The following C10orf67 variants were observed in gnomAD, a reference collection of about 807,000 sequenced individuals.
C10orf67 encodes the protein chromosome 10 open reading frame 67, also known as uncharacterized protein C10orf67, mitochondrial.
A neutral mutation model predicts 35.6 loss-of-function variants in C10orf67; 60 were observed. The observed-to-expected ratio is 1.68, with a 90% CI of 1.37 to 2.09. The LOEUF is 2.09. Among genes scored for constraint, C10orf67 ranks in the 30% most tolerant of loss-of-function variants. C10orf67 has a pLI of 0.00. For synonymous variants in C10orf67, 167 were observed against 115.8 expected (o/e 1.44, Z -2.84); for missense variants, 474 against 330.2 (o/e 1.44, Z -3.38).
chr10:23,231,459 G>C (rs1488355237), intron 13 of C10orf67, among the ~76,000 whole-genome samples: 1 of 152,212 alleles, frequency 6.6e-6, no homozygotes, highest in African/African-American at 2.4e-5. Flanking sequence ...GAAGGAACCT[G>C]TGTACCACTT....
At chr10:23,205,562 G>C (rs1841135531) in intron 15 of C10orf67, among the ~76,000 whole-genome samples, 1 of 152,194 alleles carries the variant, frequency 6.6e-6, no homozygotes, top group Admixed American at 6.5e-5. Flanking sequence ...CAATGTTGAA[G>C]GAATAGTGGA....
At chr10:23,312,699 A>G (rs1844544694) in intron 4 of C10orf67, among the ~76,000 whole-genome samples, 1 of 152,198 alleles carries the variant, frequency 6.6e-6, no homozygotes, top group Non-Finnish European at 1.5e-5. Context: ...GATTAATTTT[A>G]TGCATCAACT....
intron 6 of C10orf67, among the ~76,000 whole-genome samples, chr10:23,290,556 C>G (rs376155458): frequency 6.6e-6 from 1 of 152,102 alleles, no homozygotes; most frequent in Admixed American, 6.5e-5. Flanking sequence ...ATTTTTTTCT[C>G]TTTTCCACAT....
chr10:23,329,850 G>A (rs1018712817), intron 2 of C10orf67, among the ~76,000 whole-genome samples: 3 of 146,392 alleles, frequency 2.0e-5, no homozygotes, highest in East Asian at 2.0e-4. Context: ...GGGCAATCTC[G>A]CTTAAAACAG....
chr10:23,273,323 T>C (rs1304574796), intron 8 of C10orf67, among the ~76,000 whole-genome samples: 1 of 152,226 alleles, frequency 6.6e-6, no homozygotes, highest in Non-Finnish European at 1.5e-5. Context: ...GTTTCGTAGA[T>C]ATCGCCTATC....
chr10:23,303,494 C>T (rs990519385), intron 4 of C10orf67, 35 bp from the exon 5 acceptor site: 1 of 462,740 alleles, frequency 2.2e-6, no homozygotes, highest in South Asian at 5.3e-5. Context: ...AAAAATTAGA[C>T]ACTAAGCATT....
intron 8 of C10orf67, among the ~76,000 whole-genome samples, chr10:23,279,253 A>G (rs1843291830): frequency 6.6e-6 from 1 of 152,260 alleles, no homozygotes; most frequent in African/African-American, 2.4e-5. Context: ...CTTCCATGGC[A>G]TACAGGGACA....
intron 4 of C10orf67, among the ~76,000 whole-genome samples, chr10:23,312,512 T>C (rs1292614137): frequency 2.0e-5 from 3 of 152,226 alleles, no homozygotes; most frequent in Non-Finnish European, 4.4e-5. Context: ...TGGTTTCTTT[T>C]AGTGTAGAAT....
intron 12 of C10orf67, among the ~76,000 whole-genome samples, chr10:23,247,776 G>A (rs1309973743): frequency 5.9e-5 from 9 of 152,190 alleles, no homozygotes; most frequent in African/African-American, 2.2e-4. Context: ...CCAAGGGAAT[G>A]ATAAGCATTC....
intron 10 of C10orf67, among the ~76,000 whole-genome samples, chr10:23,250,970 A>C (rs1842438098): frequency 6.6e-6 from 1 of 152,046 alleles, no homozygotes; most frequent in Admixed American, 6.6e-5. Flanking sequence ...AGTGGCATGC[A>C]CCTGTAGTCC....
At chr10:23,218,019 A>G (rs1174262077) in intron 15 of C10orf67, among the ~76,000 whole-genome samples, 1 of 152,198 alleles carries the variant, frequency 6.6e-6, no homozygotes, top group East Asian at 1.9e-4. Flanking sequence ...CTTCAGTTAC[A>G]GAGAGAGCCT....
chr10:23,339,726 T>G (rs1472058843), intron 1 of C10orf67, among the ~76,000 whole-genome samples: 1 of 152,252 alleles, frequency 6.6e-6, no homozygotes, highest in Non-Finnish European at 1.5e-5. Context: ...ATCAGTGTAT[T>G]GTCTAGAGTC....
At chr10:23,211,277 A>G (rs1448159071) in intron 15 of C10orf67, among the ~76,000 whole-genome samples, 2 of 152,052 alleles carry the variant, frequency 1.3e-5, no homozygotes, top group African/African-American at 4.8e-5. Flanking sequence ...CTGCCATCAC[A>G]TAGTGTCTCC....
At chr10:23,274,725 G>A (rs1564484095) in intron 8 of C10orf67, among the ~76,000 whole-genome samples, 2 of 152,088 alleles carry the variant, frequency 1.3e-5, no homozygotes, top group African/African-American at 2.4e-5. Flanking sequence ...ACAGGGTCCT[G>A]AGGTGACATA....
At chr10:23,280,824 G>C (rs1843344993) in intron 8 of C10orf67, among the ~76,000 whole-genome samples, 1 of 152,198 alleles carries the variant, frequency 6.6e-6, no homozygotes. Flanking sequence ...CACTGATTGA[G>C]TAGTTTAATT....
intron 5 of C10orf67, among the ~76,000 whole-genome samples, chr10:23,299,908 G>A (rs1844015177): frequency 6.6e-6 from 1 of 151,854 alleles, no homozygotes; most frequent in Non-Finnish European, 1.5e-5. Context: ...AACCCAGGAT[G>A]TGGAGCTTGC....
chr10:23,224,433 CAG>C (rs1034097614), intron 13 of C10orf67, among the ~76,000 whole-genome samples: 34 of 152,298 alleles, frequency 2.2e-4, no homozygotes, highest in African/African-American at 7.5e-4. Context: ...GGGGAAAAAA[CAG>C]AGCAGAAAAG....
chr10:23,211,067 G>A (rs1841293690), intron 15 of C10orf67, among the ~76,000 whole-genome samples: 1 of 152,118 alleles, frequency 6.6e-6, no homozygotes, highest in African/African-American at 2.4e-5. Flanking sequence ...AGCACAAACT[G>A]GGGGCTGAAA....
chr10:23,294,431 A>G (rs1405004695), intron 5 of C10orf67, among the ~76,000 whole-genome samples: 2 of 152,202 alleles, frequency 1.3e-5, no homozygotes, highest in Non-Finnish European at 2.9e-5. Flanking sequence ...TTACAGAGAC[A>G]TAAAGGCTAA....
Sources: allele counts gnomAD v4.1 joint callset (sites outside exome capture counted in the v4.1 genomes callset), GRCh38; gene constraint gnomAD v4.1.1; transcripts MANE v1.5; gene names NCBI Gene and HGNC (gene_info 2026-07-23, HGNC 2026-07-21).